CBARP: variants seen among roughly 807,000 people sequenced by gnomAD.
CBARP encodes the protein CACN subunit beta associated regulatory protein.
A neutral mutation model predicts 36.3 loss-of-function variants in CBARP; 24 were observed. That is an observed-to-expected ratio of 0.66 (90% CI 0.48 to 0.93). The LOEUF is 0.93. CBARP is among the 40% of genes least tolerant of loss of function. CBARP has a pLI of 0.00. For missense variants in CBARP, 1,146 were observed against 980.4 expected (o/e 1.17, Z -2.26); for synonymous variants, 586 against 453.2 (o/e 1.29, Z -3.72).
chr19:1,230,374 CA>C, intron 9 of CBARP: 1 of 987,024 alleles, frequency 1.0e-6, no homozygotes, highest in Non-Finnish European at 1.2e-6. Context: ...TGCTGGACTG[CA>C]GACGGCGGGG....
chr19:1,230,734 T>A (rs753114835), intron 9 of CBARP: 11 of 1,302,598 alleles, frequency 8.4e-6, no homozygotes, highest in Non-Finnish European at 1.1e-5. Flanking sequence ...CACAGCAGCT[T>A]CTGAGAGGAG....
At position 1,229,875 on chromosome 19, in the gene CBARP, C is replaced by A. The variant is rs1394530214; in HGVS notation, c.1422G>T (p.Gly474=). The change falls in exon 10 of 10, where the codon GGG becomes GGT. Residue 474 remains glycine, a synonymous_variant. Transcript: ENST00000650044. The surrounding 1 kb of genome is among the most constrained non-coding windows in gnomAD (Gnocchi z 5.1). ...RSGDSSGSGS[G]GAAPAFPPPS... is the part of the protein sequence containing the mutation. ...GCGGCGGGAAGGCGGGCGCCGCGCC[C>A]CCGGAGCCTGAGCCCGAGCTGTCGC... 1 of 1,011,764 alleles carries A rather than the reference C, an allele frequency of 9.9e-7. No individual in the cohort carries two copies. Among genetic ancestry groups the A allele is most frequent in the Non-Finnish European group, 1.2e-6 (1 of 843,294 alleles). The allele number at this position is 1,011,764 out of a possible 1,614,324, so 62.7% of individuals were successfully genotyped here. A position where few individuals can be genotyped will look rare whatever the true frequency, so the allele number is the denominator to read the frequency against.
Position 1,230,189 on chromosome 19 carries a change from C to CGCGCCCT in CBARP, c.1155-48_1155-47insAGGGCGC, listed in dbSNP as rs1568728782. 8.0e-6 allele frequency: 8 copies of CGCGCCCT among 995,658 alleles called. No homozygotes were observed. In the South Asian group the frequency reaches 3.0e-4, roughly 37 times the overall value. 61.7% of individuals were successfully genotyped at this position (995,658 alleles called of 1,614,324 possible). ...CAGAGCCCCGCCGAGCCCCGCGCCC[C>CGCGCCCT]CTACCCGGCCGGCCATCCCGCCTCT... On this transcript the variant is annotated intron_variant, in intron 9 of 9. Transcript: ENST00000650044.
intron 1 of CBARP, 47 bp from the exon 2 acceptor site, chr19:1,236,168 G>A: frequency 7.3e-7 from 1 of 1,370,690 alleles, no homozygotes; most frequent in Admixed American, 3.5e-5. Flanking sequence ...TACTTCTCCT[G>A]CAGGAGCCAC....
At chr19:1,230,961 T>G in intron 9 of CBARP, 140 bp downstream of exon 9, 1 of 1,570,266 alleles carries the variant, frequency 6.4e-7, no homozygotes, top group Middle Eastern at 1.7e-4. Context: ...AGTCCGCCTC[T>G]GGGAGGGGCC....
intron 9 of CBARP, 35 bp downstream of exon 9, chr19:1,231,066 G>A (rs781379578): frequency 4.4e-6 from 7 of 1,581,590 alleles, no homozygotes; most frequent in South Asian, 1.1e-5. Flanking sequence ...GGGCCCACAG[G>A]TCCACCCCTA....
Position 1,231,100 on chromosome 19 carries a change from C to A in CBARP, c.1154+1G>T. On this transcript the variant is annotated splice_donor_variant, in intron 9 of 9. Transcript: ENST00000650044. LOFTEE classifies it high-confidence loss of function. ...TAGCACCTCCATCTACTGAAAAATA[C>A]CTGCCGAGAGCAGGGGGCGGGCTGG... 1 of 1,597,128 alleles carries A rather than the reference C, an allele frequency of 6.3e-7. No individual in the cohort carries two copies. The highest frequency in any genetic ancestry group is 8.5e-7 in the Non-Finnish European group (1 of 1,170,642).
chr19:1,237,059 C>T (rs1344057454), intron 1 of CBARP, among the ~76,000 whole-genome samples: 1 of 152,070 alleles, frequency 6.6e-6, no homozygotes, highest in East Asian at 1.9e-4. Context: ...CGCAGGGGGT[C>T]GGGGCTGGCG....
Position 1,233,481 on chromosome 19 carries a change from C to A in CBARP, c.924G>T (p.Lys308Asn). 1.9e-6 allele frequency: 3 copies of A among 1,605,274 alleles called. No homozygotes were observed. Among genetic ancestry groups the A allele is most frequent in the Non-Finnish European group, 2.5e-6 (3 of 1,176,592 alleles). ...TGGGCTCCAGCTTCCACTTCTTGAC[C>A]TTGAAATAGGGGCTGGCCCCATCCA... ...ASLDGASPYF[K>N]VKKWKLEPSQ... The change falls in exon 8 of 10, where the codon AAG becomes AAT. Residue 308 changes from lysine to asparagine, a missense_variant. Transcript: ENST00000650044.
At chr19:1,234,098 G>A in intron 7 of CBARP, 93 bp downstream of exon 7, 3 of 1,370,922 alleles carry the variant, frequency 2.2e-6, no homozygotes, top group South Asian at 1.8e-5. Context: ...TGGCTGGCAG[G>A]TCATAGGTTG....
rs548262719 is a variant in CBARP, at chr19:1,235,289, C to G, written c.311-144G>C. On this transcript the variant is annotated intron_variant, in intron 4 of 9. Coordinates refer to ENST00000650044, the MANE Select transcript of CBARP (RefSeq NM_001393918.1). ...CCGGGCTGGCGGGGCGAGGGACACT[C>G]GTCCATCCGCTCACACACTCACTCG... The G allele has an allele frequency of 2.8e-4, 300 of 1,086,488 alleles. 3 individuals carry two copies. The highest frequency in any genetic ancestry group is 5.0e-5 in the Non-Finnish European group (40 of 807,022). 67.3% of individuals were successfully genotyped at this position (1,086,488 alleles called of 1,614,324 possible).
chr19:1,234,442 C>T (rs2080935229), intron 6 of CBARP, 111 bp from the exon 7 acceptor site: 2 of 1,434,032 alleles, frequency 1.4e-6, no homozygotes, highest in Non-Finnish European at 1.8e-6. Context: ...CTGCCCTGCT[C>T]CACCCCACCC....
Position 1,236,095 on chromosome 19 carries a change from C to T in CBARP, c.6G>A (p.Gln2=). The T allele has an allele frequency of 6.8e-7, 1 of 1,472,294 alleles. No homozygotes were observed. Among genetic ancestry groups the T allele is most frequent in the Non-Finnish European group, 9.0e-7 (1 of 1,115,558 alleles). 91.2% of individuals were successfully genotyped at this position (1,472,294 alleles called of 1,614,324 possible). A position where few individuals can be genotyped will look rare whatever the true frequency, so the allele number is the denominator to read the frequency against. Residue 2 remains glutamine (Q), a synonymous_variant, in exon 2 of 10, where the codon CAG becomes CAA. Transcript: ENST00000650044. Reference sequence around the variant, plus strand: ...CGGCTGTGGCCATGGTGGCTGTGGGCTGCATTCTGAACTGGGGAGGAGGGC... The same window carrying T: ...CGGCTGTGGCCATGGTGGCTGTGGGTTGCATTCTGAACTGGGGAGGAGGGC... The part of the protein sequence containing the change: M[Q]PTATMATAAT...
intron 8 of CBARP, among the ~76,000 whole-genome samples, chr19:1,232,211 AC>A (rs1568734853): frequency 6.6e-6 from 1 of 151,594 alleles, no homozygotes; most frequent in South Asian, 2.1e-4. Context: ...GTCTCTAGTC[AC>A]CCCTGGGCCC....
intron 8 of CBARP, among the ~76,000 whole-genome samples, chr19:1,231,507 C>G (rs1310609181): frequency 2.1e-5 from 2 of 93,810 alleles, no homozygotes; most frequent in South Asian, 4.8e-4. Context: ...ACACATAGAA[C>G]GCCTGTGCCC....
In CBARP at chr19:1,229,088, T is replaced by C. The variant is rs1568724277; in HGVS notation, c.*91A>G. 1 of 377,008 alleles carries C rather than the reference T, an allele frequency of 2.7e-6. No homozygotes were observed. The highest frequency in any genetic ancestry group is 7.9e-5 in the South Asian group (1 of 12,590). The allele number at this position is 377,008 out of a possible 1,614,324, so 23.4% of individuals were successfully genotyped here. On this transcript the variant is annotated 3_prime_UTR_variant, in exon 10 of 10. Transcript: ENST00000650044. The surrounding 1 kb of genome is among the most constrained non-coding windows in gnomAD (Gnocchi z 5.1). ...GGCCCGCGGTCCCCGCGCATTCGCG[T>C]CGGGGCGTCGCGCCCCCACGTCTCT...
intron 1 of CBARP, among the ~76,000 whole-genome samples, chr19:1,236,857 G>GC (rs1490704177): frequency 2.0e-5 from 3 of 146,540 alleles, no homozygotes; most frequent in Non-Finnish European, 4.6e-5. Flanking sequence ...GGCCTGGGGG[G>GC]GGGCGGCGGC....
At position 1,233,532 on chromosome 19, in the gene CBARP, G is replaced by A; in HGVS notation, c.873C>T (p.Leu291=). 3 of 1,602,836 alleles carry A rather than the reference G, an allele frequency of 1.9e-6. No homozygotes were observed. The highest frequency in any genetic ancestry group is 2.6e-6 in the Non-Finnish European group (3 of 1,175,156). The change falls in exon 8 of 10, where the codon CTC becomes CTT. Residue 291 remains leucine (L), a synonymous_variant. Transcript: ENST00000650044. The part of the protein sequence containing the change: ...GSGAGTVLQF[L]TRLRRHASLD... Reference sequence around the variant, plus strand: ...GGCTGGCATGGCGGCGCAGGCGGGTGAGGAACTGCAGAACGGTACCTGCCC... The same window carrying A: ...GGCTGGCATGGCGGCGCAGGCGGGTAAGGAACTGCAGAACGGTACCTGCCC...
chr19:1,232,583 A>T (rs890027703), intron 8 of CBARP, among the ~76,000 whole-genome samples: 1 of 152,018 alleles, frequency 6.6e-6, no homozygotes, highest in African/African-American at 2.4e-5. Context: ...TCCCCACACA[A>T]ACTCCTGCCT....
Sources: gnomAD v4.1 joint callset for allele counts (sites outside exome capture counted in the v4.1 genomes callset) on GRCh38, gnomAD v4.1.1 for gene constraint, Gnocchi (gnomAD v3.1) non-coding constraint, MANE v1.5 for transcripts, NCBI Gene and HGNC (gene_info 2026-07-23, HGNC 2026-07-21) for gene names.